Variants in COL9A2 observed in about 807,000 individuals in gnomAD.
COL9A2 encodes collagen type IX alpha 2 chain.
In COL9A2, 66 loss-of-function variants were observed where a neutral mutation model predicts 111.6. The observed-to-expected ratio is 0.59, with a 90% CI of 0.48 to 0.73. The LOEUF (loss-of-function observed/expected upper bound fraction) is 0.73. Ranked by LOEUF, COL9A2 falls within the 30% of genes least tolerant of loss-of-function variation. COL9A2 has a pLI of 0.00. For missense variants in COL9A2, 881 were observed against 954.1 expected (o/e 0.92, Z 1.01); for synonymous variants, 353 against 364.1 (o/e 0.97, Z 0.35).
In COL9A2 at chr1:40,316,835, G is replaced by C; in HGVS notation, c.75+288C>G. Reference sequence around the variant, plus strand: ...GTATGCCCCGCCACCTGGGCTCCCCGGGCTGCCAGGACCGGGCGCCAGCTC... The same window carrying C: ...GTATGCCCCGCCACCTGGGCTCCCCCGGCTGCCAGGACCGGGCGCCAGCTC... On this transcript the variant is annotated intron_variant, in intron 1 of 31. Coordinates refer to ENST00000372748, the MANE Select transcript of COL9A2 (RefSeq NM_001852.4). The surrounding 1 kb of genome is among the most constrained non-coding windows in gnomAD (Gnocchi z 5.5). 1 of 537,996 alleles carries C rather than the reference G, an allele frequency of 1.9e-6. No homozygotes were observed. The highest frequency in any genetic ancestry group is 3.4e-6 in the Non-Finnish European group (1 of 297,368). 33.3% of individuals were successfully genotyped at this position (537,996 alleles called of 1,614,324 possible). A position where few individuals can be genotyped will look rare whatever the true frequency, so the allele number is the denominator to read the frequency against.
Position 40,312,309 on chromosome 1 carries a change from G to C in COL9A2, c.363+147C>G, listed in dbSNP as rs1644143286. 7 of 1,213,080 alleles carry C rather than the reference G, an allele frequency of 5.8e-6. No homozygotes were observed. The highest frequency in any genetic ancestry group is 5.9e-6 in the Non-Finnish European group (5 of 841,392). The allele number at this position is 1,213,080 out of a possible 1,614,324, so 75.1% of individuals were successfully genotyped here. The stretch of plus-strand genomic sequence containing the variant: ...CAGTGGACAGGCCCAGAGTGGGCTG[G>C]CCCTGGGTCTCTGGCAGGTCCACTT... On this transcript the variant is annotated intron_variant, in intron 7 of 31. Transcript: ENST00000372748. This position sits in a 1 kb window ranked among gnomAD's most constrained non-coding sequence, Gnocchi z 6.0.
chr1:40,307,629 AG>A lies in COL9A2; in HGVS notation c.954+73del, dbSNP rs1185758175. The A allele has an allele frequency of 1.3e-6, 2 of 1,595,148 alleles. No individual in the cohort carries two copies. The highest frequency in any genetic ancestry group is 2.7e-5 in the African/African-American group (2 of 74,494). On this transcript the variant is annotated intron_variant, in intron 18 of 31. Transcript: ENST00000372748. The surrounding 1 kb of genome is among the most constrained non-coding windows in gnomAD (Gnocchi z 4.8). ...GGCATGTCCATGACCTGAGGACCCCAGGCTCTTGGTGTCTAGAATCCAGGAC... is the reference window on the plus strand; with the variant it reads ...GGCATGTCCATGACCTGAGGACCCCAGCTCTTGGTGTCTAGAATCCAGGAC...
intron 21 of COL9A2, 65 bp downstream of exon 21, chr1:40,305,650 T>G (rs1219427509): frequency 6.8e-7 from 1 of 1,468,030 alleles, no homozygotes; most frequent in Non-Finnish European, 9.6e-7. Flanking sequence ...CTCCCTAGGT[T>G]AGGGCTCCAC....
rs1170991478 is a variant in COL9A2 at position 40,305,706 on chromosome 1, G to A, written c.1107+9C>T. 3.1e-6 allele frequency: 5 copies of A among 1,613,640 alleles called. No homozygotes were observed. Among genetic ancestry groups the A allele is most frequent in the Non-Finnish European group, 1.7e-6 (2 of 1,179,682 alleles). Reference sequence around the variant, plus strand: ...CAGGAACCCTTGTGTCAGTGCAGGGGGCATTTACCTCTTTCCCAGGGGGAC... The same window carrying A: ...CAGGAACCCTTGTGTCAGTGCAGGGAGCATTTACCTCTTTCCCAGGGGGAC... On this transcript the variant is annotated intron_variant, in intron 21 of 31. Coordinates refer to ENST00000372748, the MANE Select transcript of COL9A2 (RefSeq NM_001852.4).
In COL9A2 at chr1:40,314,055, A is replaced by G; in HGVS notation, c.249+150T>C. On this transcript the variant is annotated intron_variant, in intron 4 of 31. Transcript: ENST00000372748. This position sits in a 1 kb window ranked among gnomAD's most constrained non-coding sequence, Gnocchi z 4.1. Reference sequence around the variant, plus strand: ...GTGAGAGTGAGGTTCCAGGAAGGTCACAAGTCATATCAAGGTGAGGGGGGC... The same window carrying G: ...GTGAGAGTGAGGTTCCAGGAAGGTCGCAAGTCATATCAAGGTGAGGGGGGC... The G allele has an allele frequency of 1.1e-6, 1 of 910,906 alleles. No homozygotes were observed. Among genetic ancestry groups the G allele is most frequent in the Admixed American group, 1.7e-5 (1 of 58,420 alleles). 56.4% of individuals were successfully genotyped at this position (910,906 alleles called of 1,614,324 possible). A position where few individuals can be genotyped will look rare whatever the true frequency, so the allele number is the denominator to read the frequency against.
In COL9A2 at chr1:40,307,194, C is replaced by T. The variant is rs952001097; in HGVS notation, c.1008+252G>A. On this transcript the variant is annotated intron_variant, in intron 19 of 31. Coordinates refer to ENST00000372748, the MANE Select transcript of COL9A2 (RefSeq NM_001852.4). This position sits in a 1 kb window ranked among gnomAD's most constrained non-coding sequence, Gnocchi z 4.8. ...GGACTGAATGACTTTTTCCTGGAGG[C>T]GGTGGGGAGCCATGGAAGGTGCTAT... 3.9e-5 allele frequency among the ~76,000 whole-genome samples: 6 copies of T among 152,084 alleles called. No individual in the cohort carries two copies. Among genetic ancestry groups the T allele is most frequent in the South Asian group, 2.1e-4 (1 of 4,824 alleles).
rs1221620622 is a variant in COL9A2, at chr1:40,303,189, A to C, written c.1549-4T>G. The C allele has an allele frequency of 6.2e-7, 1 of 1,610,478 alleles. No individual in the cohort carries two copies. The highest frequency in any genetic ancestry group is 1.1e-5 in the South Asian group (1 of 90,170). On this transcript the variant is annotated splice_region_variant and splice_polypyrimidine_tract_variant and intron_variant, in intron 28 of 31. Transcript: ENST00000372748. The surrounding 1 kb of genome is among the most constrained non-coding windows in gnomAD (Gnocchi z 4.6). ...GCTGGTCAGTGGCATCCCGGCCCTG[A>C]AAGCAGAGGCCTTTCAGGAAGAAGC...
chr1:40,312,594 G>A lies in COL9A2; in HGVS notation c.319C>T (p.Pro107Ser). 5 of 1,614,038 alleles carry A rather than the reference G, an allele frequency of 3.1e-6. No individual in the cohort carries two copies. In the South Asian group the frequency reaches 3.3e-5, roughly 11 times the overall value. ...CTCACCGGAAGGCCAGGAGGACCAG[G>A]AAGCCCGGGCTGGCCCTGCAGAAGC... Reference protein sequence around the residue: ...IPGVKGQPGLPGPPGLPGPGF... With the variant: ...IPGVKGQPGLSGPPGLPGPGF... The change falls in exon 6 of 32, where the codon CCT (proline) becomes TCT (serine). Residue 107 changes from proline (P) to serine (S), a missense_variant. By Grantham distance (74) the Pro-to-Ser change is moderately conservative (BLOSUM62 -1). Transcript: ENST00000372748. The surrounding 1 kb of genome is among the most constrained non-coding windows in gnomAD (Gnocchi z 6.0).
At position 40,301,897 on chromosome 1, in the gene COL9A2, C is replaced by T; in HGVS notation, c.1793-8G>A. 1 of 1,612,580 alleles carries T rather than the reference C, an allele frequency of 6.2e-7. No homozygotes were observed. The highest frequency in any genetic ancestry group is 2.2e-5 in the East Asian group (1 of 44,856). On this transcript the variant is annotated splice_polypyrimidine_tract_variant and splice_region_variant and intron_variant, in intron 30 of 31. Coordinates refer to ENST00000372748, the MANE Select transcript of COL9A2 (RefSeq NM_001852.4). ...CCTTCTCTCCACGTTTTCCTGTAGA[C>T]AAAAAAGGAAATCTTCATTTTTCAG...
At position 40,309,968 on chromosome 1, in the gene COL9A2, C is replaced by A. The variant is rs767738040; in HGVS notation, c.816G>T (p.Pro272=). ...CACCCTTCTCCCCAGCTCGGCCTGGCGGTCCCCTAGGACCTTCCTCACCCT... is the reference window on the plus strand; with the variant it reads ...CACCCTTCTCCCCAGCTCGGCCTGGAGGTCCCCTAGGACCTTCCTCACCCT... ...GPPGEEGPRG[P]PGRAGEKGDE... is the part of the protein sequence containing the mutation. The change falls in exon 16 of 32, where the codon CCG becomes CCT. Residue 272 remains proline, a synonymous_variant. Coordinates refer to ENST00000372748, the MANE Select transcript of COL9A2 (RefSeq NM_001852.4). The A allele has an allele frequency of 2.5e-6, 4 of 1,613,960 alleles. No homozygotes were observed. Among genetic ancestry groups the A allele is most frequent in the Non-Finnish European group, 3.4e-6 (4 of 1,180,020 alleles).
rs1180186643 is a variant in COL9A2 at position 40,307,670 on chromosome 1, C to T, written c.954+33G>A. The T allele has an allele frequency of 6.2e-7, 1 of 1,613,430 alleles. No individual in the cohort carries two copies. Among genetic ancestry groups the T allele is most frequent in the Non-Finnish European group, 8.5e-7 (1 of 1,179,572 alleles). ...GAATCCAGGACTCAAGGTCCTGCCCCTGCCCCAGTCCCATCAGCAGCCCCA... is the reference window on the plus strand; with the variant it reads ...GAATCCAGGACTCAAGGTCCTGCCCTTGCCCCAGTCCCATCAGCAGCCCCA... On this transcript the variant is annotated intron_variant, in intron 18 of 31. Transcript: ENST00000372748. This position sits in a 1 kb window ranked among gnomAD's most constrained non-coding sequence, Gnocchi z 4.8.
intron 1 of COL9A2, 63 bp from the exon 2 acceptor site, chr1:40,315,727 G>T: frequency 1.6e-6 from 2 of 1,249,068 alleles, no homozygotes; most frequent in Non-Finnish European, 2.2e-6. Flanking sequence ...CGTCCCCGGG[G>T]CTGCAAGCGA....
In COL9A2 at chr1:40,311,548, C is replaced by T. The variant is rs1190516072; in HGVS notation, c.472-1G>A. The T allele has an allele frequency of 1.2e-6, 2 of 1,613,854 alleles. No homozygotes were observed. The highest frequency in any genetic ancestry group is 3.3e-5 in the Admixed American group (2 of 59,996). On this transcript the variant is annotated splice_acceptor_variant, in intron 9 of 31. Transcript: ENST00000372748. LOFTEE classifies it high-confidence loss of function. The surrounding 1 kb of genome is among the most constrained non-coding windows in gnomAD (Gnocchi z 5.1). ...GACCCTGGATGGTTCCCGGGCGACC[C>T]TGAGAGGAGACATGAAGATGGAGCT...
In COL9A2 at chr1:40,302,605, G is replaced by T. The variant is rs757858609; in HGVS notation, c.1792+16C>A. The T allele has an allele frequency of 6.3e-7, 1 of 1,591,168 alleles. No individual in the cohort carries two copies. On this transcript the variant is annotated intron_variant, in intron 30 of 31. Transcript: ENST00000372748. This position sits in a 1 kb window ranked among gnomAD's most constrained non-coding sequence, Gnocchi z 4.5. ...TCACTGCCTGGCCCCCATGCCCACC[G>T]CAGAGGAGCACTCACCCTTGGGCCC...
At position 40,307,424 on chromosome 1, in the gene COL9A2, T is replaced by A. The variant is rs775161499; in HGVS notation, c.1008+22A>T. 6.2e-7 allele frequency: 1 copy of A among 1,612,512 alleles called. No individual in the cohort carries two copies. The highest frequency in any genetic ancestry group is 1.3e-5 in the African/African-American group (1 of 74,914). Reference sequence around the variant, plus strand: ...CAGCCACTAGCCCCTGGCCAGCCCCTGTGGCTCCACCTGACACTTACCGCT... The same window carrying A: ...CAGCCACTAGCCCCTGGCCAGCCCCAGTGGCTCCACCTGACACTTACCGCT... On this transcript the variant is annotated intron_variant, in intron 19 of 31. Transcript: ENST00000372748. This position sits in a 1 kb window ranked among gnomAD's most constrained non-coding sequence, Gnocchi z 4.8.
intron 2 of COL9A2, chr1:40,315,105 G>C: frequency 1.9e-6 from 1 of 535,900 alleles, no homozygotes; most frequent in African/African-American, 2.1e-5. Context: ...GGAGCTTTCA[G>C]AATGAGGTAT....
chr1:40,304,796 T>C lies in COL9A2; in HGVS notation c.1159A>G (p.Lys387Glu). The C allele has an allele frequency of 6.4e-7, 1 of 1,550,854 alleles. No individual in the cohort carries two copies. The highest frequency in any genetic ancestry group is 2.4e-5 in the East Asian group (1 of 40,910). ...GGGCCATTGTGCCAGGCACTTACCTTCTGTCCCATGATGCCCTGGGGACCA... is the reference window on the plus strand; with the variant it reads ...GGGCCATTGTGCCAGGCACTTACCTCCTGTCCCATGATGCCCTGGGGACCA... Reference protein sequence around the residue: ...EIGPQGIMGQKGDQGERGPVG... With the variant: ...EIGPQGIMGQEGDQGERGPVG... Residue 387 changes from lysine to glutamate, a missense_variant and splice_region_variant, in exon 22 of 32, where the codon AAG (lysine) becomes GAG (glutamate). Lys to Glu is a moderately conservative substitution (Grantham distance 56). Transcript: ENST00000372748.
Position 40,311,833 on chromosome 1 carries a change from GA to G in COL9A2, c.418-119del. On this transcript the variant is annotated intron_variant, in intron 8 of 31. Coordinates refer to ENST00000372748, the MANE Select transcript of COL9A2 (RefSeq NM_001852.4). This position sits in a 1 kb window ranked among gnomAD's most constrained non-coding sequence, Gnocchi z 5.1. ...CCCTGTCTTCCCGGTCACTTTGTGA[GA>G]TCCACCATCTTGGGAGATGAAGGCC... 1 of 1,167,468 alleles carries G rather than the reference GA, an allele frequency of 8.6e-7. No individual in the cohort carries two copies. Among genetic ancestry groups the G allele is most frequent in the Non-Finnish European group, 1.3e-6 (1 of 782,448 alleles). 72.3% of individuals were successfully genotyped at this position (1,167,468 alleles called of 1,614,324 possible). A position where few individuals can be genotyped will look rare whatever the true frequency, so the allele number is the denominator to read the frequency against.
intron 2 of COL9A2, 192 bp downstream of exon 2, chr1:40,315,398 C>A (rs1644202152): frequency 7.1e-7 from 1 of 1,404,458 alleles, no homozygotes. Context: ...TAACGGGCTC[C>A]GCATGTCAGG....
Sources: gnomAD v4.1 joint callset for allele counts (sites outside exome capture counted in the v4.1 genomes callset) on GRCh38, gnomAD v4.1.1 for gene constraint, Gnocchi (gnomAD v3.1) non-coding constraint, MANE v1.5 for transcripts, NCBI Gene and HGNC (gene_info 2026-07-23, HGNC 2026-07-21) for gene names.